The following PLS1 variants were observed in gnomAD, a reference collection of about 807,000 sequenced individuals.
PLS1 encodes plastin-1.
In PLS1, 32 loss-of-function variants were observed where a neutral mutation model predicts 73.7. That is an observed-to-expected ratio of 0.43 (90% CI 0.33 to 0.58). The LOEUF is 0.58. PLS1 is among the 20% of genes least tolerant of loss of function. The pLI is 0.04. For synonymous variants in PLS1, 217 were observed against 261.3 expected (o/e 0.83, Z 1.63); for missense variants, 633 against 740.5 (o/e 0.85, Z 1.68).
At chr3:142,625,061 T>A (rs1243990733) in intron 1 of PLS1, among the ~76,000 whole-genome samples, 1 of 152,168 alleles carries the variant, frequency 6.6e-6, no homozygotes, top group Non-Finnish European at 1.5e-5. Flanking sequence ...GGTTTGGCCT[T>A]GTCTAGCCAT....
chr3:142,659,580 A>C (rs1042607901), intron 1 of PLS1, among the ~76,000 whole-genome samples: 2 of 152,100 alleles, frequency 1.3e-5, no homozygotes, highest in Non-Finnish European at 2.9e-5. Context: ...AACTGAATAC[A>C]AAAAGCATAT....
intron 1 of PLS1, among the ~76,000 whole-genome samples, chr3:142,661,501 AT>A (rs1431897815): frequency 2.6e-5 from 4 of 152,202 alleles, no homozygotes; most frequent in Admixed American, 6.5e-5. Flanking sequence ...TCCTGAATAA[AT>A]TTGTGTACAG....
At position 142,678,510 on chromosome 3, in the gene PLS1, A is replaced by G. The variant is rs1335902955; in HGVS notation, c.579+397A>G. 5.5e-5 allele frequency among the ~76,000 whole-genome samples: 8 copies of G among 146,582 alleles called. No homozygotes were observed. In the East Asian group the frequency reaches 1.0e-3, roughly 19 times the overall value. On this transcript the variant is annotated intron_variant, in intron 6 of 15. Transcript: ENST00000457734. The stretch of plus-strand genomic sequence containing the variant: ...ATTGTTCAATTCCCACCTATGCGTG[A>G]GAATATGTGGTGTTTGGTTTTTTGT...
intron 1 of PLS1, among the ~76,000 whole-genome samples, chr3:142,643,824 CAT>C (rs1491112480): frequency 3.2e-5 from 4 of 123,832 alleles, no homozygotes; most frequent in East Asian, 2.2e-4. Flanking sequence ...TTCTTCATTT[CAT>C]TTTTTTTTTT....
rs1031866810 is a variant in PLS1 at position 142,655,590 on chromosome 3, C to T, written c.-36-8612C>T. Among the ~76,000 whole-genome samples the T allele has an allele frequency of 4.6e-5, 7 of 151,442 alleles. No homozygotes were observed. The South Asian group carries it at 1.0e-3, about 23-fold the overall frequency. On this transcript the variant is annotated intron_variant, in intron 1 of 15. Transcript: ENST00000457734. ...ACAAAAAATTAGCTGGGCGTGGTGG[C>T]GGGCGCCTGCAATCCCAGCTACCAG...
intron 12 of PLS1, 187 bp downstream of exon 12, chr3:142,698,254 G>C (rs2038252977): frequency 2.1e-6 from 1 of 470,546 alleles, no homozygotes. Context: ...CCTCTAGTCA[G>C]ACACTTTATA....
chr3:142,642,496 TA>T (rs1422766073), intron 1 of PLS1, among the ~76,000 whole-genome samples: 1 of 152,236 alleles, frequency 6.6e-6, no homozygotes. Context: ...AAAGCCTTGT[TA>T]ATTTGAGGCT....
At chr3:142,695,307 AGTTCACTG>A (rs1231624314) in intron 11 of PLS1, among the ~76,000 whole-genome samples, 13 of 152,346 alleles carry the variant, frequency 8.5e-5, no homozygotes, top group Admixed American at 7.2e-4. Flanking sequence ...CAACAGGCCA[AGTTCACTG>A]GTTCACTGAG....
intron 1 of PLS1, among the ~76,000 whole-genome samples, chr3:142,650,817 C>A (rs1291775920): frequency 1.3e-5 from 2 of 152,044 alleles, no homozygotes; most frequent in Admixed American, 6.6e-5. Flanking sequence ...GTTGAATTTT[C>A]CCAGAGAGCC....
intron 1 of PLS1, among the ~76,000 whole-genome samples, chr3:142,649,508 C>T (rs2037036313): frequency 6.6e-6 from 1 of 151,818 alleles, no homozygotes; most frequent in Admixed American, 6.6e-5. Flanking sequence ...CATGGTGGCT[C>T]ATGCCTGAAA....
intron 1 of PLS1, among the ~76,000 whole-genome samples, chr3:142,653,771 A>G (rs777315403): frequency 6.6e-6 from 1 of 152,216 alleles, no homozygotes; most frequent in Non-Finnish European, 1.5e-5. Flanking sequence ...AGATTTAAAC[A>G]GAAAGTGAAT....
rs764654381 is a variant in PLS1 at position 142,684,132 on chromosome 3, G to T, written c.706G>T (p.Val236Phe). The change falls in exon 7 of 16, where the codon GTT becomes TTT. Residue 236 changes from valine to phenylalanine, a missense_variant. Physicochemically the swap from Val to Phe is conservative, Grantham distance 50. Transcript: ENST00000457734. ...GGGACTTCTCTGGCAGATCATCAAA[G>T]TTGGCCTTTTTGCTGATATTGAGAT... is the stretch of plus-strand genomic sequence containing the variant. ...VLGLLWQIIK[V>F]GLFADIEISR... 2 of 1,613,962 alleles carry T rather than the reference G, an allele frequency of 1.2e-6. No homozygotes were observed. Among genetic ancestry groups the T allele is most frequent in the African/African-American group, 2.7e-5 (2 of 74,918 alleles).
At chr3:142,642,890 C>T (rs765654615) in intron 1 of PLS1, among the ~76,000 whole-genome samples, 2 of 152,066 alleles carry the variant, frequency 1.3e-5, no homozygotes, top group Non-Finnish European at 2.9e-5. Context: ...AGGGTTTTGC[C>T]AGGTTGCCCA....
At chr3:142,666,410 CTGGCT>C (rs386666534) in intron 2 of PLS1, among the ~76,000 whole-genome samples, 9 of 152,316 alleles carry the variant, frequency 5.9e-5, no homozygotes, top group African/African-American at 2.2e-4. Context: ...CTTCTTGTGA[CTGGCT>C]TATTTCACTT....
chr3:142,688,283 TTTTC>T (rs1387880359), intron 9 of PLS1, among the ~76,000 whole-genome samples: 3 of 152,156 alleles, frequency 2.0e-5, no homozygotes, highest in Admixed American at 2.0e-4. Flanking sequence ...CAATGGTAAC[TTTTC>T]TTTGTTAATT....
intron 5 of PLS1, among the ~76,000 whole-genome samples, chr3:142,676,814 CA>C (rs371207771): frequency 1.0e-3 from 159 of 152,204 alleles, no homozygotes; most frequent in South Asian, 7.9e-3. Context: ...CTTCTTTGGA[CA>C]AAGCAGAGGT....
chr3:142,601,887 A>G (rs997689114), intron 1 of PLS1, among the ~76,000 whole-genome samples: 9 of 152,148 alleles, frequency 5.9e-5, no homozygotes, highest in African/African-American at 1.9e-4. Context: ...GAGGTCATAT[A>G]GTTTACAAGT....
chr3:142,664,122 G>A (rs561489819), intron 1 of PLS1, 80 bp from the exon 2 acceptor site: 100 of 544,436 alleles, frequency 1.8e-4, no homozygotes, highest in African/African-American at 1.6e-3. Context: ...CCTAGAGAAT[G>A]TACTTCCTCT....
chr3:142,684,685 C>G (rs974993011), intron 8 of PLS1, among the ~76,000 whole-genome samples: 4 of 152,208 alleles, frequency 2.6e-5, no homozygotes, highest in Non-Finnish European at 5.9e-5. Flanking sequence ...CTGAGATCTG[C>G]TAGATTATAA....
Sources: allele counts gnomAD v4.1 joint callset (sites outside exome capture counted in the v4.1 genomes callset), GRCh38; gene constraint gnomAD v4.1.1; transcripts MANE v1.5; gene names NCBI Gene and HGNC (gene_info 2026-07-23, HGNC 2026-07-21).